Variants in VWA5B2 observed in about 807,000 individuals in gnomAD.
The protein encoded by VWA5B2 is von Willebrand factor A domain containing 5B2, also known as von Willebrand factor A domain-containing protein 5B2.
In VWA5B2, 93 loss-of-function variants were observed where a neutral mutation model predicts 118.5. That is an observed-to-expected ratio of 0.79 (90% CI 0.66 to 0.93). VWA5B2 has a LOEUF of 0.93. VWA5B2 is among the 40% of genes least tolerant of loss of function. VWA5B2 has a pLI of 0.00. For missense variants in VWA5B2, 1,546 were observed against 1,672.8 expected (o/e 0.92, Z 1.32); for synonymous variants, 708 against 716.3 (o/e 0.99, Z 0.19).
Position 184,233,350 on chromosome 3 carries a change from G to A in VWA5B2, c.483G>A (p.Pro161=), listed in dbSNP as rs748899475. 3.2e-5 allele frequency: 49 copies of A among 1,539,154 alleles called. No individual in the cohort carries two copies. The highest frequency in any genetic ancestry group is 3.5e-5 in the Non-Finnish European group (40 of 1,142,214). ...ALPTVLTPLA[P]PGPPGPPRPP... ...CCACTGTGCTCACCCCGCTGGCCCCGCCAGGCCCGCCGGGGCCCCCCAGGC... is the reference window on the plus strand; with the variant it reads ...CCACTGTGCTCACCCCGCTGGCCCCACCAGGCCCGCCGGGGCCCCCCAGGC... Residue 161 remains proline, a synonymous_variant, in exon 4 of 20, where the codon CCG becomes CCA. Coordinates refer to ENST00000691901, the MANE Select transcript of VWA5B2 (RefSeq NM_001390846.1). The surrounding 1 kb of genome is among the most constrained non-coding windows in gnomAD (Gnocchi z 5.2).
chr3:184,234,754 A>G lies in VWA5B2; in HGVS notation c.944A>G (p.Gln315Arg). 6.5e-6 allele frequency: 10 copies of G among 1,550,276 alleles called. No individual in the cohort carries two copies. Among genetic ancestry groups the G allele is most frequent in the Non-Finnish European group, 7.8e-6 (9 of 1,146,568 alleles). Residue 315 changes from glutamine (Q) to arginine (R), a missense_variant and splice_region_variant, in exon 7 of 20, where the codon CAG (glutamine) becomes CGG (arginine). Gln to Arg is a conservative substitution (Grantham distance 43, BLOSUM62 1). Around this residue, in one of 3 missense-constraint regions of VWA5B2, gnomAD observed 775 missense variants for 882.3 expected, o/e 0.88. Transcript: ENST00000691901. ...CGAAGGGACAGTGATGGGGACCGGC[A>G]GGTACCGCCATAGGAGCCTGGCCTG... is the stretch of plus-strand genomic sequence containing the variant. Reference protein sequence around the residue: ...LQRRDSDGDRQVWFLQRRFHK... With the variant: ...LQRRDSDGDRRVWFLQRRFHK...
Position 184,230,458 on chromosome 3 carries a change from C to T in VWA5B2, c.-71C>T, listed in dbSNP as rs1238605038. The T allele has an allele frequency of 2.2e-6, 3 of 1,371,562 alleles. No individual in the cohort carries two copies. Among genetic ancestry groups the T allele is most frequent in the African/African-American group, 3.1e-5 (2 of 64,830 alleles). The allele number at this position is 1,371,562 out of a possible 1,614,324, so 85.0% of individuals were successfully genotyped here. A position where few individuals can be genotyped will look rare whatever the true frequency, so the allele number is the denominator to read the frequency against. ...GACTCTCGCGCTGGCCTCTGGAGCG[C>T]GGGGTGGGCGTCCCGTCACCCTGCG... On this transcript the variant is annotated 5_prime_UTR_variant, in exon 2 of 20. Transcript: ENST00000691901.
intron 7 of VWA5B2, 111 bp from the exon 8 acceptor site, chr3:184,235,042 T>A (rs1717823269): frequency 7.6e-7 from 1 of 1,316,582 alleles, no homozygotes; most frequent in Non-Finnish European, 1.0e-6. Context: ...CAAAAAGATG[T>A]CCCCTCTGGG....
rs1271877287 is a variant in VWA5B2 at position 184,239,116 on chromosome 3, T to G, written c.2202+243T>G. 6.6e-6 allele frequency among the ~76,000 whole-genome samples: 1 copy of G among 152,052 alleles called. No homozygotes were observed. The highest frequency in any genetic ancestry group is 1.5e-5 in the Non-Finnish European group (1 of 68,004). On this transcript the variant is annotated intron_variant, in intron 14 of 19. Transcript: ENST00000691901. This position sits in a 1 kb window ranked among gnomAD's most constrained non-coding sequence, Gnocchi z 5.1. The stretch of plus-strand genomic sequence containing the variant: ...AAAGTCAGAGCCATATCTGGAAGAA[T>G]AAGCACGAGTTAGCCATGCAGAGAG...
intron 9 of VWA5B2, 40 bp downstream of exon 9, chr3:184,236,302 T>A (rs567737126): frequency 1.3e-6 from 2 of 1,551,268 alleles, no homozygotes; most frequent in South Asian, 2.4e-5. Flanking sequence ...TACAGAGAGG[T>A]TTCAGCCCAG....
At chr3:184,234,942 T>C (rs1717814677) in intron 7 of VWA5B2, 187 bp downstream of exon 7, 4 of 1,121,012 alleles carry the variant, frequency 3.6e-6, no homozygotes, top group South Asian at 3.3e-5. Context: ...TGTGAATCTC[T>C]CTGGGGTGTG....
intron 3 of VWA5B2, chr3:184,232,749 A>G (rs1717524202): frequency 5.9e-6 from 1 of 170,298 alleles, no homozygotes; most frequent in Admixed American, 6.0e-5. Context: ...GCAATGGGGG[A>G]GCTCCTGATG....
At chr3:184,232,391 G>A (rs1717489291) in intron 3 of VWA5B2, among the ~76,000 whole-genome samples, 1 of 152,170 alleles carries the variant, frequency 6.6e-6, no homozygotes, top group Non-Finnish European at 1.5e-5. Flanking sequence ...GTGTCGGTTG[G>A]CTGGGATGGA....
Position 184,237,157 on chromosome 3 carries a change from C to T in VWA5B2, c.1534-69C>T, listed in dbSNP as rs1577091279. The T allele has an allele frequency of 4.0e-6, 6 of 1,497,940 alleles. No individual in the cohort carries two copies. The East Asian group carries it at 1.5e-4, about 37-fold the overall frequency. 92.8% of individuals were successfully genotyped at this position (1,497,940 alleles called of 1,614,324 possible). A position where few individuals can be genotyped will look rare whatever the true frequency, so the allele number is the denominator to read the frequency against. Reference sequence around the variant, plus strand: ...CAGATGGCATCAGGGGAAGGGCAGCCTTCCTGCTCTGTCTGGCCGTATGAC... The same window carrying T: ...CAGATGGCATCAGGGGAAGGGCAGCTTTCCTGCTCTGTCTGGCCGTATGAC... On this transcript the variant is annotated intron_variant, in intron 11 of 19. Transcript: ENST00000691901. This position sits in a 1 kb window ranked among gnomAD's most constrained non-coding sequence, Gnocchi z 5.6.
rs756467963 is a variant in VWA5B2 at position 184,241,425 on chromosome 3, G to A, written c.3180+21G>A. The A allele has an allele frequency of 6.3e-7, 1 of 1,575,588 alleles. No homozygotes were observed. Among genetic ancestry groups the A allele is most frequent in the East Asian group, 2.3e-5 (1 of 42,830 alleles). On this transcript the variant is annotated intron_variant, in intron 19 of 19. Transcript: ENST00000691901. The surrounding 1 kb of genome is among the most constrained non-coding windows in gnomAD (Gnocchi z 5.1). Reference sequence around the variant, plus strand: ...CCTTGGTGAGGACTCGGGAGGTGGAGGGTGGTGCCGCCGGGGCCGGGCGCT... The same window carrying A: ...CCTTGGTGAGGACTCGGGAGGTGGAAGGTGGTGCCGCCGGGGCCGGGCGCT...
At position 184,239,605 on chromosome 3, in the gene VWA5B2, G is replaced by T; in HGVS notation, c.2392+22G>T. ...TCAGGTAAGTGTTGGATGGGGAGCT[G>T]GTTTCCCTGACACCAAAGAGGCCTT... is the stretch of plus-strand genomic sequence containing the variant. On this transcript the variant is annotated intron_variant, in intron 15 of 19. Transcript: ENST00000691901. This position sits in a 1 kb window ranked among gnomAD's most constrained non-coding sequence, Gnocchi z 5.1. The T allele has an allele frequency of 6.7e-7, 1 of 1,492,806 alleles. No homozygotes were observed. Among genetic ancestry groups the T allele is most frequent in the Non-Finnish European group, 9.0e-7 (1 of 1,112,198 alleles). The allele number at this position is 1,492,806 out of a possible 1,614,324, so 92.5% of individuals were successfully genotyped here.
In VWA5B2 at chr3:184,242,044, G is replaced by A. The variant is rs1938273604; in HGVS notation, c.*6G>A. On this transcript the variant is annotated 3_prime_UTR_variant, in exon 20 of 20. Transcript: ENST00000691901. The stretch of plus-strand genomic sequence containing the variant: ...ACAGCCCAGCGAACGTGTGAAGGCT[G>A]CCCCCTGCTGCTTGGGCTGGCGCCC... The A allele has an allele frequency of 1.3e-6, 2 of 1,547,884 alleles. No homozygotes were observed. The highest frequency in any genetic ancestry group is 2.7e-5 in the African/African-American group (2 of 73,032).
In VWA5B2 at chr3:184,241,129, A is replaced by G; in HGVS notation, c.2962+22A>G. 1.3e-6 allele frequency: 2 copies of G among 1,551,690 alleles called. No homozygotes were observed. Among genetic ancestry groups the G allele is most frequent in the Non-Finnish European group, 1.7e-6 (2 of 1,146,980 alleles). ...AAAGGTAACACCCAAAGGTAGGGAA[A>G]GGGTAGGGGCACTTGGGCTTAGAGA... is the stretch of plus-strand genomic sequence containing the variant. On this transcript the variant is annotated intron_variant, in intron 18 of 19. Coordinates refer to ENST00000691901, the MANE Select transcript of VWA5B2 (RefSeq NM_001390846.1). This position sits in a 1 kb window ranked among gnomAD's most constrained non-coding sequence, Gnocchi z 5.1.
chr3:184,232,138 G>A (rs571808361), intron 3 of VWA5B2, among the ~76,000 whole-genome samples: 1 of 152,214 alleles, frequency 6.6e-6, no homozygotes, highest in Admixed American at 6.5e-5. Context: ...TATGGGGGAT[G>A]GAAGGGGGAT....
Position 184,241,009 on chromosome 3 carries a change from C to T in VWA5B2, c.2879-15C>T. ...TCCTGGACAAACCTGACTCCTGTCC[C>T]ATGTGCCCCTGCAGAGCCCGCTGAG... On this transcript the variant is annotated splice_polypyrimidine_tract_variant and intron_variant, in intron 17 of 19. Coordinates refer to ENST00000691901, the MANE Select transcript of VWA5B2 (RefSeq NM_001390846.1). This position sits in a 1 kb window ranked among gnomAD's most constrained non-coding sequence, Gnocchi z 5.1. The T allele has an allele frequency of 6.4e-7, 1 of 1,551,618 alleles. No homozygotes were observed. The highest frequency in any genetic ancestry group is 1.7e-4 in the Middle Eastern group (1 of 5,992).
chr3:184,239,693 C>A lies in VWA5B2; in HGVS notation c.2397C>A (p.Asn799Lys). Residue 799 changes from asparagine to lysine, a missense_variant, in exon 16 of 20, where the codon AAC becomes AAA. Transcript: ENST00000691901. This position sits in a 1 kb window ranked among gnomAD's most constrained non-coding sequence, Gnocchi z 5.1. ...QLGQGLDDSGNLLSPAPMDWD... is the reference protein window; with the variant it reads ...QLGQGLDDSGKLLSPAPMDWD... ...CCTGCTGTCTTGCCTCCCCAGGAAA[C>A]CTGCTCTCCCCAGCCCCTATGGACT... 5 of 1,466,518 alleles carry A rather than the reference C, an allele frequency of 3.4e-6. No individual in the cohort carries two copies. The highest frequency in any genetic ancestry group is 4.5e-6 in the Non-Finnish European group (5 of 1,102,696). The allele number at this position is 1,466,518 out of a possible 1,614,324, so 90.8% of individuals were successfully genotyped here. A position where few individuals can be genotyped will look rare whatever the true frequency, so the allele number is the denominator to read the frequency against.
rs1474516205 is a variant in VWA5B2, at chr3:184,230,543, C to T, written c.15C>T (p.Tyr5=). The T allele has an allele frequency of 6.8e-7, 1 of 1,480,974 alleles. No individual in the cohort carries two copies. Among genetic ancestry groups the T allele is most frequent in the Non-Finnish European group, 8.9e-7 (1 of 1,123,684 alleles). 91.7% of individuals were successfully genotyped at this position (1,480,974 alleles called of 1,614,324 possible). The change falls in exon 2 of 20, where the codon TAC becomes TAT. Residue 5 remains tyrosine, a synonymous_variant. Coordinates refer to ENST00000691901, the MANE Select transcript of VWA5B2 (RefSeq NM_001390846.1). MPGL[Y]CPSSWTPLPL... ...CTCCCGGCGCCATGCCCGGCCTGTA[C>T]TGCCCCTCCAGCTGGACGCCGCTGC...
Position 184,242,312 on chromosome 3 carries a change from A to G in VWA5B2, c.*274A>G. On this transcript the variant is annotated 3_prime_UTR_variant, in exon 20 of 20. Coordinates refer to ENST00000691901, the MANE Select transcript of VWA5B2 (RefSeq NM_001390846.1). ...AGCCACAGTCCCCAAATCCTATGCA[A>G]TAAAGTGCCTCTTAGGACTGCTTGA... 3 of 781,832 alleles carry G rather than the reference A, an allele frequency of 3.8e-6. No homozygotes were observed. The highest frequency in any genetic ancestry group is 6.5e-6 in the Non-Finnish European group (3 of 461,416). The allele number at this position is 781,832 out of a possible 1,614,324, so 48.4% of individuals were successfully genotyped here.
Position 184,234,454 on chromosome 3 carries a change from G to A in VWA5B2, c.820+57G>A, listed in dbSNP as rs554708986. 17 of 1,545,198 alleles carry A rather than the reference G, an allele frequency of 1.1e-5. No individual in the cohort carries two copies. The African/African-American group carries it at 1.2e-4, about 11-fold the overall frequency. Reference sequence around the variant, plus strand: ...CTGACCTGCTTCTACATGAATGGGGGAAGCATTTCTTAAGTGCAGGTTTCT... The same window carrying A: ...CTGACCTGCTTCTACATGAATGGGGAAAGCATTTCTTAAGTGCAGGTTTCT... On this transcript the variant is annotated intron_variant, in intron 6 of 19. Coordinates refer to ENST00000691901, the MANE Select transcript of VWA5B2 (RefSeq NM_001390846.1).
Sources: allele counts gnomAD v4.1 joint callset (sites outside exome capture counted in the v4.1 genomes callset), GRCh38; gene constraint gnomAD v4.1.1; regional missense constraint gnomAD v4.1.1; non-coding constraint Gnocchi (gnomAD v3.1); transcripts MANE v1.5; gene names NCBI Gene and HGNC (gene_info 2026-07-23, HGNC 2026-07-21).